The following RAP1GDS1 variants were observed in gnomAD, a reference collection of about 807,000 sequenced individuals.
The protein encoded by RAP1GDS1 is RAP1, GTP-GDP dissociation stimulator 1.
Under a neutral mutation model 71.1 loss-of-function variants are expected in RAP1GDS1, and 35 were observed. The ratio of observed to expected loss-of-function variants is 0.49; its 90% CI spans 0.38 to 0.65. The LOEUF is 0.65. RAP1GDS1 is among the 30% of genes least tolerant of loss of function. The pLI, the probability that RAP1GDS1 is intolerant of heterozygous loss-of-function variation, is 0.00. For missense variants in RAP1GDS1, 663 were observed against 706.1 expected (o/e 0.94, Z 0.69); for synonymous variants, 229 against 243.1 (o/e 0.94, Z 0.54).
intron 4 of RAP1GDS1, among the ~76,000 whole-genome samples, chr4:98,354,993 A>G (rs888458969): frequency 1.3e-5 from 2 of 152,190 alleles, no homozygotes; most frequent in Non-Finnish European, 2.9e-5. Flanking sequence ...TTTATTCAAA[A>G]TTAAATTCTG....
chr4:98,379,729 G>A (rs572095750), intron 5 of RAP1GDS1, among the ~76,000 whole-genome samples: 7 of 151,922 alleles, frequency 4.6e-5, no homozygotes, highest in Admixed American at 1.3e-4. Context: ...TTTTCAGATA[G>A]CCTATATGGT....
At chr4:98,394,151 A>C (rs1388954171) in intron 6 of RAP1GDS1, among the ~76,000 whole-genome samples, 2 of 152,194 alleles carry the variant, frequency 1.3e-5, no homozygotes, top group African/African-American at 4.8e-5. Flanking sequence ...GTGCTGAATA[A>C]GAACTTATAT....
At chr4:98,272,075 C>T (rs1723540379) in intron 1 of RAP1GDS1, among the ~76,000 whole-genome samples, 1 of 152,140 alleles carries the variant, frequency 6.6e-6, no homozygotes, top group African/African-American at 2.4e-5. Context: ...GCACCACCAT[C>T]AAGCATAGGC....
chr4:98,262,685 C>T (rs1253663357), intron 1 of RAP1GDS1, among the ~76,000 whole-genome samples: 2 of 152,186 alleles, frequency 1.3e-5, no homozygotes, highest in East Asian at 3.9e-4. Flanking sequence ...CCCTTCTGTG[C>T]GAGTTATTTA....
chr4:98,424,652 T>G (rs1310871266), intron 12 of RAP1GDS1, among the ~76,000 whole-genome samples: 1 of 151,156 alleles, frequency 6.6e-6, no homozygotes, highest in Non-Finnish European at 1.5e-5. Context: ...TCCCAGCTAC[T>G]GGGGAGGCTG....
chr4:98,296,029 A>AAACAACAACAACAACAAC (rs5860532), intron 2 of RAP1GDS1, among the ~76,000 whole-genome samples: 2 of 150,316 alleles, frequency 1.3e-5, no homozygotes, highest in Non-Finnish European at 3.0e-5. Context: ...CTTGCTTTTT[A>AAACAACAACAACAACAAC]AACAACAACA....
intron 7 of RAP1GDS1, among the ~76,000 whole-genome samples, chr4:98,410,629 A>C (rs1746916938): frequency 6.6e-6 from 1 of 152,202 alleles, no homozygotes; most frequent in South Asian, 2.1e-4. Flanking sequence ...AGAATGAATA[A>C]ATCATAGGAT....
chr4:98,289,294 G>A (rs1726539862), intron 1 of RAP1GDS1, among the ~76,000 whole-genome samples: 1 of 152,074 alleles, frequency 6.6e-6, no homozygotes, highest in Non-Finnish European at 1.5e-5. Context: ...TCTGACTGCA[G>A]GAATACAGAA....
At chr4:98,279,679 A>G (rs1724769549) in intron 1 of RAP1GDS1, among the ~76,000 whole-genome samples, 1 of 152,168 alleles carries the variant, frequency 6.6e-6, no homozygotes, top group African/African-American at 2.4e-5. Context: ...TTACATAAGT[A>G]TATATGTGCC....
intron 2 of RAP1GDS1, among the ~76,000 whole-genome samples, chr4:98,301,588 C>T (rs929585678): frequency 6.6e-6 from 1 of 152,086 alleles, no homozygotes; most frequent in Admixed American, 6.6e-5. Context: ...GCTTCAGAGA[C>T]CACTGCAGGG....
At chr4:98,293,541 T>A in intron 2 of RAP1GDS1, 26 bp downstream of exon 2, 1 of 1,539,018 alleles carries the variant, frequency 6.5e-7, no homozygotes, top group Non-Finnish European at 8.9e-7. Flanking sequence ...TTTACTCAAA[T>A]TCCAAAGAAG....
intron 4 of RAP1GDS1, among the ~76,000 whole-genome samples, chr4:98,365,249 A>G (rs1913489): frequency 0.067 from 10,160 of 152,154 alleles, 403 homozygotes; most frequent in Admixed American, 0.14. Flanking sequence ...AAATACAGGT[A>G]TGTTCTTCAA....
Position 98,416,783 on chromosome 4 carries a change from G to A in RAP1GDS1, c.802G>A (p.Glu268Lys), listed in dbSNP as rs1276618906. The change falls in exon 8 of 15, where the codon GAG becomes AAG. Residue 268 changes from glutamate (E) to lysine (K), a missense_variant. By Grantham distance (56) the Glu-to-Lys change is moderately conservative. Transcript: ENST00000408927. ...ACAGCTGGTTGAAGCAGGCCTAGTAGAGTGTCTACTAGAGATTGTTCAGCA... is the reference window on the plus strand; with the variant it reads ...ACAGCTGGTTGAAGCAGGCCTAGTAAAGTGTCTACTAGAGATTGTTCAGCA... ...KLQLVEAGLVECLLEIVQQKV... is the reference protein window; with the variant it reads ...KLQLVEAGLVKCLLEIVQQKV... 1.9e-6 allele frequency: 3 copies of A among 1,610,620 alleles called. No homozygotes were observed. The highest frequency in any genetic ancestry group is 2.5e-6 in the Non-Finnish European group (3 of 1,176,906).
intron 1 of RAP1GDS1, among the ~76,000 whole-genome samples, chr4:98,268,635 A>G (rs1035910198): frequency 6.6e-6 from 1 of 152,154 alleles, no homozygotes; most frequent in South Asian, 2.1e-4. Flanking sequence ...AGGATACAAA[A>G]TCAGCATAGA....
chr4:98,396,287 TAATA>T (rs2110136964), intron 6 of RAP1GDS1: 1 of 151,764 alleles, frequency 6.6e-6, no homozygotes, highest in Admixed American at 6.6e-5. Context: ...TAAGGAAAAA[TAATA>T]TGAGGACAAA....
At chr4:98,339,583 A>C (rs1358866485) in intron 2 of RAP1GDS1, among the ~76,000 whole-genome samples, 4 of 152,038 alleles carry the variant, frequency 2.6e-5, no homozygotes, top group Non-Finnish European at 5.9e-5. Flanking sequence ...TTTTTTTAAC[A>C]AGTAGCCATT....
intron 6 of RAP1GDS1, among the ~76,000 whole-genome samples, chr4:98,395,778 A>G (rs1411506569): frequency 6.6e-6 from 1 of 152,206 alleles, no homozygotes; most frequent in South Asian, 2.1e-4. Flanking sequence ...TGCTTGCCAC[A>G]TATTATTAAA....
In RAP1GDS1 at chr4:98,279,407, A is replaced by T. The variant is rs183843128; in HGVS notation, c.5-14001A>T. 4.3e-4 allele frequency among the ~76,000 whole-genome samples: 65 copies of T among 151,906 alleles called. No individual in the cohort carries two copies. The East Asian group carries it at 6.2e-3, about 14-fold the overall frequency. On this transcript the variant is annotated intron_variant, in intron 1 of 14. Transcript: ENST00000408927. ...ATTTTAAGATAATTACATTTAAAAAATTTTTAAATGATATAAAAAAGTATA... is the reference window on the plus strand; with the variant it reads ...ATTTTAAGATAATTACATTTAAAAATTTTTTAAATGATATAAAAAAGTATA...
intron 4 of RAP1GDS1, among the ~76,000 whole-genome samples, chr4:98,371,275 G>C (rs894170815): frequency 1.3e-4 from 20 of 151,686 alleles, no homozygotes; most frequent in South Asian, 6.3e-4. Context: ...ACCATCCCCA[G>C]CTAATTTTTT....
Sources: gnomAD v4.1 joint callset for allele counts (sites outside exome capture counted in the v4.1 genomes callset) on GRCh38, gnomAD v4.1.1 for gene constraint, MANE v1.5 for transcripts, NCBI Gene and HGNC (gene_info 2026-07-23, HGNC 2026-07-21) for gene names.